The following FGD6 variants were observed in gnomAD, a reference collection of about 807,000 sequenced individuals.
FGD6 encodes the protein FYVE, RhoGEF and PH domain-containing protein 6.
In FGD6, 90 loss-of-function variants were observed where a neutral mutation model predicts 149.4. That is an observed-to-expected ratio of 0.60 (90% confidence interval 0.51 to 0.72). The LOEUF (loss-of-function observed/expected upper bound fraction) is 0.72. Ranked by LOEUF, FGD6 falls within the 30% of genes least tolerant of loss-of-function variation. FGD6 has a pLI of 0.00. For synonymous variants in FGD6, 527 were observed against 584.0 expected (o/e 0.90, Z 1.41); for missense variants, 1,437 against 1,684.8 (o/e 0.85, Z 2.57).
chr12:95,103,711 AT>A (rs958207660), intron 14 of FGD6, among the ~76,000 whole-genome samples: 6 of 151,976 alleles, frequency 3.9e-5, no homozygotes, highest in Non-Finnish European at 7.4e-5. Context: ...ATTTTTTTGT[AT>A]TTTTAGTAGA....
rs1263869101 is a variant in FGD6 at position 95,077,521 on chromosome 12, T to TG, written c.*3998dup. 1.3e-5 allele frequency: 2 copies of TG among 152,242 alleles called. No individual in the cohort carries two copies. The highest frequency in any genetic ancestry group is 4.8e-5 in the African/African-American group (2 of 41,446). The allele number at this position is 152,242 out of a possible 1,614,324, so 9.4% of individuals were successfully genotyped here. Reference sequence around the variant, plus strand: ...CTGGAATGTATGGCAACTGAGGACGTGTTCCATGCCAAGTCACTGGGAAAG... The same window carrying TG: ...CTGGAATGTATGGCAACTGAGGACGTGGTTCCATGCCAAGTCACTGGGAAAG... On this transcript the variant is annotated 3_prime_UTR_variant, in exon 21 of 21. Transcript: ENST00000343958.
intron 8 of FGD6, among the ~76,000 whole-genome samples, chr12:95,114,424 G>A (rs558276310): frequency 3.0e-4 from 43 of 143,906 alleles, no homozygotes; most frequent in African/African-American, 1.1e-3. Context: ...TGGCCAACAT[G>A]GGGAAACCCC....
At chr12:95,147,827 G>C (rs974504837) in intron 5 of FGD6, among the ~76,000 whole-genome samples, 1 of 152,122 alleles carries the variant, frequency 6.6e-6, no homozygotes, top group African/African-American at 2.4e-5. Context: ...GGAACATAGA[G>C]AGCACTTAAT....
At chr12:95,123,772 C>T (rs182565958) in intron 8 of FGD6, among the ~76,000 whole-genome samples, 2 of 152,244 alleles carry the variant, frequency 1.3e-5, no homozygotes, top group East Asian at 3.9e-4. Flanking sequence ...CCGTGTTATT[C>T]AGGACGGTCT....
rs1380188363 is a variant in FGD6, at chr12:95,137,506, A to C, written c.2994+16T>G. ...AAAAGAAAGAGAAGTGTTCAACATT[A>C]GATAGTAGCAAATACCTCAAATTCT... is the stretch of plus-strand genomic sequence containing the variant. On this transcript the variant is annotated intron_variant, in intron 7 of 20. Transcript: ENST00000343958. 6.5e-7 allele frequency: 1 copy of C among 1,548,808 alleles called. No individual in the cohort carries two copies. The highest frequency in any genetic ancestry group is 2.3e-5 in the East Asian group (1 of 43,348).
rs1878669951 is a variant in FGD6 at position 95,107,556 on chromosome 12, C to T, written c.3333+7G>A. 1.2e-6 allele frequency: 2 copies of T among 1,613,904 alleles called. No homozygotes were observed. The highest frequency in any genetic ancestry group is 8.5e-7 in the Non-Finnish European group (1 of 1,179,980). On this transcript the variant is annotated splice_region_variant and intron_variant, in intron 12 of 20. Transcript: ENST00000343958. ...CGGCCACATCAGAACTACACAAGTCCTCTTACCAGGAAAAACATTCGAGGT... is the reference window on the plus strand; with the variant it reads ...CGGCCACATCAGAACTACACAAGTCTTCTTACCAGGAAAAACATTCGAGGT...
chr12:95,093,059 A>G (rs1226394346), intron 15 of FGD6, among the ~76,000 whole-genome samples: 3 of 152,030 alleles, frequency 2.0e-5, no homozygotes, highest in Admixed American at 6.6e-5. Context: ...TGTTTCTACT[A>G]AAAATACAAA....
At chr12:95,149,377 A>T (rs1235903803) in intron 5 of FGD6, among the ~76,000 whole-genome samples, 2 of 119,182 alleles carry the variant, frequency 1.7e-5, no homozygotes, top group Non-Finnish European at 3.2e-5. Flanking sequence ...TATAGCACAT[A>T]TTTTATATAT....
At chr12:95,200,561 A>G (rs1251932463) in intron 2 of FGD6, among the ~76,000 whole-genome samples, 3 of 152,198 alleles carry the variant, frequency 2.0e-5, no homozygotes, top group Non-Finnish European at 4.4e-5. Context: ...ACTCCAATTC[A>G]TGCTTATATA....
At chr12:95,097,320 A>G (rs1244937026) in intron 14 of FGD6, among the ~76,000 whole-genome samples, 1 of 152,116 alleles carries the variant, frequency 6.6e-6, no homozygotes, top group Non-Finnish European at 1.5e-5. Context: ...CACTTTCCCA[A>G]TGACTGGGAT....
rs1347792460 is a variant in FGD6, at chr12:95,079,512, G to C, written c.*2008C>G. Reference sequence around the variant, plus strand: ...GAGGGAAAGAAAACCCAAATAACTTGTCTTGCTAAATGCCAGACGCAGAAA... The same window carrying C: ...GAGGGAAAGAAAACCCAAATAACTTCTCTTGCTAAATGCCAGACGCAGAAA... On this transcript the variant is annotated 3_prime_UTR_variant, in exon 21 of 21. Coordinates refer to ENST00000343958, the MANE Select transcript of FGD6 (RefSeq NM_018351.4). 1 of 152,180 alleles carries C rather than the reference G, an allele frequency of 6.6e-6. No individual in the cohort carries two copies. The highest frequency in any genetic ancestry group is 1.5e-5 in the Non-Finnish European group (1 of 68,040). The allele number at this position is 152,180 out of a possible 1,614,324, so 9.4% of individuals were successfully genotyped here.
chr12:95,172,710 C>T lies in FGD6; in HGVS notation c.2476G>A (p.Gly826Ser). ...GASQEEQNDL[G>S]LGDLPSDEEE... is the part of the protein sequence containing the mutation. ...TCATCAGAGGGAAGGTCACCAAGAC[C>T]AAGATCATTCTGTTCCTCCTGGGAT... Residue 826 changes from glycine (G) to serine (S), a missense_variant, in exon 3 of 21, where the codon GGT becomes AGT. Transcript: ENST00000343958. The T allele has an allele frequency of 1.2e-6, 2 of 1,612,200 alleles. No individual in the cohort carries two copies.
intron 19 of FGD6, 56 bp downstream of exon 19, chr12:95,085,724 C>A: frequency 6.5e-7 from 1 of 1,542,974 alleles, no homozygotes; most frequent in Non-Finnish European, 8.7e-7. Context: ...ATTGTAATTA[C>A]TTGCAGTTGG....
Position 95,208,978 on chromosome 12 carries a change from A to AT in FGD6, c.2305dup (p.Ile769AsnfsTer19). On this transcript the variant is annotated frameshift_variant, in exon 2 of 21. Coordinates refer to ENST00000343958, the MANE Select transcript of FGD6 (RefSeq NM_018351.4). LOFTEE classifies it high-confidence loss of function. ...CCATTCCAACTCTTGAGTTTTCCGT[A>AT]TAGCCATAATAAATGGCAAGTTCTC... The AT allele has an allele frequency of 6.2e-7, 1 of 1,614,110 alleles. No homozygotes were observed. The highest frequency in any genetic ancestry group is 8.5e-7 in the Non-Finnish European group (1 of 1,180,014).
intron 16 of FGD6, among the ~76,000 whole-genome samples, chr12:95,092,308 G>C (rs1294915513): frequency 6.6e-6 from 1 of 152,156 alleles, no homozygotes; most frequent in East Asian, 1.9e-4. Context: ...TGAAGGCTTA[G>C]AAACATCACT....
chr12:95,110,391 C>G (rs989531898), intron 9 of FGD6, among the ~76,000 whole-genome samples: 4 of 148,484 alleles, frequency 2.7e-5, no homozygotes, highest in African/African-American at 9.9e-5. Context: ...CAGTCTTGCT[C>G]TGTCTCCCAG....
At position 95,208,918 on chromosome 12, in the gene FGD6, T is replaced by C. The variant is rs761865099; in HGVS notation, c.2366A>G (p.Asn789Ser). The change falls in exon 2 of 21, where the codon AAT becomes AGT. Residue 789 changes from asparagine (N) to serine (S), a missense_variant. Transcript: ENST00000343958. ...ATACGGCTCTTCTACCTCATACACA[T>C]TTGCATCAGCGTCCTCCATGCTGCT... ...NSSSMEDADA[N>S]VYEVEEPYEA... The C allele has an allele frequency of 1.9e-6, 3 of 1,614,106 alleles. No homozygotes were observed. The highest frequency in any genetic ancestry group is 2.5e-6 in the Non-Finnish European group (3 of 1,180,006).
intron 3 of FGD6, among the ~76,000 whole-genome samples, chr12:95,157,553 CA>C (rs1378657809): frequency 3.5e-5 from 3 of 85,398 alleles, no homozygotes; most frequent in Admixed American, 1.9e-4. Flanking sequence ...GCGACAAGAG[CA>C]AAACTCTGTC....
chr12:95,171,087 A>T (rs7136244), intron 3 of FGD6, among the ~76,000 whole-genome samples: 43,923 of 152,064 alleles, frequency 0.29, 6,748 homozygotes, highest in East Asian at 0.39. Flanking sequence ...TAATCTTCAC[A>T]ATTCTATGAG....
Sources: gnomAD v4.1 joint callset for allele counts (sites outside exome capture counted in the v4.1 genomes callset) on GRCh38, gnomAD v4.1.1 for gene constraint, MANE v1.5 for transcripts, NCBI Gene and HGNC (gene_info 2026-07-23, HGNC 2026-07-21) for gene names.